Variants in CAST observed in about 807,000 individuals in gnomAD.
CAST encodes the protein calpastatin.
Under a neutral mutation model 119.6 loss-of-function variants are expected in CAST, and 76 were observed. That is an observed-to-expected ratio of 0.64 (90% confidence interval 0.53 to 0.77). The LOEUF (loss-of-function observed/expected upper bound fraction) is 0.77, where lower values mean the gene tolerates loss of function less well. Ranked by LOEUF, CAST falls within the 30% of genes least tolerant of loss-of-function variation. The probability of loss-of-function intolerance (pLI) is 0.00; values close to 1 mark genes in which losing one functional copy is unlikely to be tolerated. For synonymous variants in CAST, 319 were observed against 331.6 expected, an observed-to-expected ratio of 0.96 and a Z score of 0.41; for missense variants, 953 against 946.5, an observed-to-expected ratio of 1.01 and a Z score of -0.09.
the CAST span, among the ~76,000 whole-genome samples, chr5:96,134,568 G>A: frequency 6.6e-6 from 1 of 152,208 alleles, no homozygotes. Flanking sequence ...CAATTTGTAG[G>A]AAGTCTGGTG....
chr5:96,496,476 G>A, the CAST span, among the ~76,000 whole-genome samples: 10 of 152,204 alleles, frequency 6.6e-5, no homozygotes, highest in African/African-American at 2.2e-4. Context: ...AACAGTTCCT[G>A]AAGTTTTTCT....
the CAST span, among the ~76,000 whole-genome samples, chr5:96,243,177 TG>T: frequency 1.7e-3 from 261 of 149,866 alleles, 2 homozygotes; most frequent in African/African-American, 6.0e-3. Flanking sequence ...CAGCAGCAAC[TG>T]TTTTTTTTTT....
At chr5:96,147,021 A>T in the CAST span, among the ~76,000 whole-genome samples, 1 of 152,202 alleles carries the variant, frequency 6.6e-6, no homozygotes, top group Non-Finnish European at 1.5e-5. Flanking sequence ...AGGAGCGCAC[A>T]TGGATAGTCA....
the CAST span, among the ~76,000 whole-genome samples, chr5:96,217,196 G>T: frequency 4.7e-5 from 2 of 42,878 alleles, no homozygotes; most frequent in South Asian, 8.2e-4. Flanking sequence ...ACACCACCAT[G>T]CTAGCTAATT....
chr5:96,054,807 G>T, the CAST span, among the ~76,000 whole-genome samples: 1 of 152,116 alleles, frequency 6.6e-6, no homozygotes, highest in South Asian at 2.1e-4. Context: ...TCTTGGAGCT[G>T]CACTGTGGTG....
Position 96,741,503 on chromosome 5 carries a change from G to C in CAST, c.1021G>C (p.Glu341Gln). The change falls in exon 15 of 32, where the codon GAA (glutamate) becomes CAA (glutamine). Residue 341 changes from glutamate to glutamine, a missense_variant. Physicochemically the swap from Glu to Gln is conservative, Grantham distance 29 (BLOSUM62 2). Coordinates refer to ENST00000675179, the MANE Select transcript of CAST (RefSeq NM_001750.7). ...GTATTTTGTTTTTCAGGAATCTACA[G>C]AAGTTTTAAAAGCTCAGTCAGCAGG... ...GKKTEKEESTEVLKAQSAGTV... is the reference protein window; with the variant it reads ...GKKTEKEESTQVLKAQSAGTV... 1.9e-6 allele frequency: 3 copies of C among 1,612,498 alleles called. No homozygotes were observed. Among genetic ancestry groups the C allele is most frequent in the Middle Eastern group, 1.7e-4 (1 of 6,058 alleles).
chr5:96,383,488 C>A, the CAST span, among the ~76,000 whole-genome samples: 1 of 152,158 alleles, frequency 6.6e-6, no homozygotes, highest in Non-Finnish European at 1.5e-5. Flanking sequence ...CTCTCTGTCG[C>A]CAGGCTGGAG....
intron 2 of CAST, among the ~76,000 whole-genome samples, chr5:96,689,966 A>G (rs1336395020): frequency 6.6e-6 from 1 of 152,068 alleles, no homozygotes; most frequent in Non-Finnish European, 1.5e-5. Flanking sequence ...TTCCCTTTGT[A>G]GGTAGGAGAT....
At chr5:96,553,655 C>A (rs1022522544) in intron 1 of CAST, among the ~76,000 whole-genome samples, 1 of 152,166 alleles carries the variant, frequency 6.6e-6, no homozygotes, top group African/African-American at 2.4e-5. Context: ...TTAGAAAACC[C>A]CATCGTCTCA....
chr5:96,230,606 G>T, the CAST span, among the ~76,000 whole-genome samples: 1 of 152,078 alleles, frequency 6.6e-6, no homozygotes, highest in Non-Finnish European at 1.5e-5. Flanking sequence ...TCTTCGATAT[G>T]ACTCCAAAAA....
chr5:96,128,248 G>T, the CAST span, among the ~76,000 whole-genome samples: 1 of 152,194 alleles, frequency 6.6e-6, no homozygotes, highest in Non-Finnish European at 1.5e-5. Context: ...GCCCCCTGAG[G>T]AATACACAGA....
chr5:96,482,707 G>A, the CAST span, among the ~76,000 whole-genome samples: 107,366 of 151,976 alleles, frequency 0.71, 38,411 homozygotes, highest in African/African-American at 0.81. Flanking sequence ...TTATCTTCAT[G>A]GCTGTGGTGA....
chr5:96,161,288 A>G, the CAST span, among the ~76,000 whole-genome samples: 1 of 152,136 alleles, frequency 6.6e-6, no homozygotes, highest in Non-Finnish European at 1.5e-5. Context: ...AATTTTGTAC[A>G]TAAAGTGTGG....
the CAST span, among the ~76,000 whole-genome samples, chr5:96,430,642 CAAA>C: frequency 6.6e-6 from 1 of 152,074 alleles, no homozygotes; most frequent in Non-Finnish European, 1.5e-5. Flanking sequence ...TAATATTAAA[CAAA>C]AAGAGAAATA....
chr5:96,651,282 G>A (rs1748091861), intron 1 of CAST, among the ~76,000 whole-genome samples: 1 of 152,196 alleles, frequency 6.6e-6, no homozygotes. Flanking sequence ...CCACACTGCA[G>A]AGGATGAACC....
At chr5:96,169,532 G>C in the CAST span, among the ~76,000 whole-genome samples, 5 of 152,278 alleles carry the variant, frequency 3.3e-5, no homozygotes, top group East Asian at 3.9e-4. Flanking sequence ...AGGTAAAATG[G>C]GGGAATTGTA....
intron 1 of CAST, among the ~76,000 whole-genome samples, chr5:96,604,011 C>A (rs191453554): frequency 2.2e-4 from 34 of 152,218 alleles, no homozygotes; most frequent in Non-Finnish European, 4.6e-4. Context: ...GCAATCTTCC[C>A]CCCTCAGCTT....
chr5:96,770,443 A>T (rs1483332079), intron 29 of CAST, 88 bp from the exon 30 acceptor site: 1 of 787,162 alleles, frequency 1.3e-6, no homozygotes, highest in East Asian at 2.5e-5. Context: ...GAGATCTCAG[A>T]ATGGTCTGGA....
the CAST span, among the ~76,000 whole-genome samples, chr5:96,131,479 A>C: frequency 4.6e-5 from 7 of 152,112 alleles, no homozygotes; most frequent in African/African-American, 1.2e-4. Flanking sequence ...AACCTCAAGC[A>C]TGATTGCCGT....
Sources: allele counts gnomAD v4.1 joint callset (sites outside exome capture counted in the v4.1 genomes callset), GRCh38; gene constraint gnomAD v4.1.1; transcripts MANE v1.5; gene names NCBI Gene and HGNC (gene_info 2026-07-23, HGNC 2026-07-21).